The following DGKB variants were observed in gnomAD, a reference collection of about 807,000 sequenced individuals.
DGKB encodes 90 kDa diacylglycerol kinase.
Under a neutral mutation model 114.3 loss-of-function variants are expected in DGKB, and 67 were observed. That is an observed-to-expected ratio of 0.59 (90% confidence interval 0.48 to 0.72). The LOEUF is 0.72. Among genes scored for constraint, DGKB ranks in the 30% least tolerant of loss-of-function variants. DGKB has a pLI of 0.00. For synonymous variants in DGKB, 398 were observed against 323.1 expected, an observed-to-expected ratio of 1.23 and a Z score of -2.49; for missense variants, 907 against 975.2, an observed-to-expected ratio of 0.93 and a Z score of 0.93.
At chr7:14,200,996 A>G (rs1343441029) in intron 23 of DGKB, among the ~76,000 whole-genome samples, 1 of 152,030 alleles carries the variant, frequency 6.6e-6, no homozygotes, top group Non-Finnish European at 1.5e-5. Context: ...TTTATAAAGG[A>G]CATTTAGGGA....
intron 20 of DGKB, among the ~76,000 whole-genome samples, chr7:14,568,745 G>C (rs1797955481): frequency 6.6e-6 from 1 of 152,170 alleles, no homozygotes; most frequent in Non-Finnish European, 1.5e-5. Context: ...AGGTGATATA[G>C]CTACATATTT....
chr7:14,748,456 AG>A (rs1833675177), intron 4 of DGKB, among the ~76,000 whole-genome samples: 1 of 152,210 alleles, frequency 6.6e-6, no homozygotes, highest in Non-Finnish European at 1.5e-5. Flanking sequence ...AGCACATTTC[AG>A]GCAGAGAAGA....
chr7:14,545,756 T>C (rs954242763), intron 20 of DGKB, among the ~76,000 whole-genome samples: 1 of 152,220 alleles, frequency 6.6e-6, no homozygotes, highest in Non-Finnish European at 1.5e-5. Flanking sequence ...GTTCCTGATC[T>C]GACATCGTAT....
intron 1 of DGKB, among the ~76,000 whole-genome samples, chr7:14,961,954 T>C (rs1480592931): frequency 6.6e-6 from 1 of 152,104 alleles, no homozygotes; most frequent in East Asian, 1.9e-4. Context: ...TGCACACTAA[T>C]TAACCATGTT....
intron 12 of DGKB, among the ~76,000 whole-genome samples, chr7:14,678,434 G>T (rs1411525411): frequency 2.6e-5 from 4 of 151,976 alleles, no homozygotes; most frequent in Non-Finnish European, 4.4e-5. Context: ...TTTAAGACAG[G>T]TGCATTCAAG....
At chr7:14,698,229 T>C (rs1393960425) in intron 7 of DGKB, 60 bp from the exon 8 acceptor site, 1 of 1,058,292 alleles carries the variant, frequency 9.4e-7, no homozygotes, top group Non-Finnish European at 1.4e-6. Flanking sequence ...TTTAAATCTT[T>C]CACTTGCAGA....
intron 1 of DGKB, among the ~76,000 whole-genome samples, chr7:14,858,053 T>A (rs1265501475): frequency 1.3e-5 from 2 of 152,158 alleles, no homozygotes; most frequent in Non-Finnish European, 2.9e-5. Flanking sequence ...TCCAGTCACA[T>A]ATAACAGCAT....
intron 6 of DGKB, among the ~76,000 whole-genome samples, chr7:14,714,607 T>C (rs1585908705): frequency 6.6e-6 from 1 of 152,120 alleles, no homozygotes; most frequent in African/African-American, 2.4e-5. Context: ...GATGATTAAA[T>C]AGGTAGGTGT....
At chr7:14,418,534 G>T (rs1040433658) in intron 21 of DGKB, among the ~76,000 whole-genome samples, 1 of 151,212 alleles carries the variant, frequency 6.6e-6, no homozygotes, top group Non-Finnish European at 1.5e-5. Context: ...TCCTACAAAT[G>T]TTAGCTGTCA....
chr7:14,179,351 A>C (rs745771909), intron 23 of DGKB, among the ~76,000 whole-genome samples: 1 of 152,172 alleles, frequency 6.6e-6, no homozygotes, highest in Admixed American at 6.5e-5. Flanking sequence ...TTTCCATTGT[A>C]ATATTCTTAT....
At chr7:14,933,477 T>C (rs555625702) in intron 1 of DGKB, among the ~76,000 whole-genome samples, 39 of 152,324 alleles carry the variant, frequency 2.6e-4, no homozygotes, top group African/African-American at 8.7e-4. Context: ...ATTGAATGAA[T>C]AGAATGCATT....
At chr7:14,750,285 T>C (rs1040132466) in intron 4 of DGKB, 9 of 445,506 alleles carry the variant, frequency 2.0e-5, no homozygotes, top group Middle Eastern at 4.4e-4. Flanking sequence ...TTTATCAGTA[T>C]TAGATGCATT....
chr7:14,255,725 C>G (rs961979636), intron 23 of DGKB, among the ~76,000 whole-genome samples: 8 of 149,174 alleles, frequency 5.4e-5, no homozygotes, highest in Non-Finnish European at 1.2e-4. Flanking sequence ...CTTTATTACA[C>G]TGTCTTCTCA....
At chr7:14,785,430 T>G (rs1839742214) in intron 2 of DGKB, among the ~76,000 whole-genome samples, 1 of 152,122 alleles carries the variant, frequency 6.6e-6, no homozygotes, top group Admixed American at 6.5e-5. Context: ...CAAAATCATA[T>G]GTATACATGT....
chr7:14,840,828 C>T (rs76100781), intron 2 of DGKB, among the ~76,000 whole-genome samples: 4,462 of 151,344 alleles, frequency 0.029, 230 homozygotes, highest in African/African-American at 0.1. Context: ...TCCTCTTTTT[C>T]CTTCCTTCTC....
At chr7:14,710,640 A>G (rs1476736530) in intron 6 of DGKB, among the ~76,000 whole-genome samples, 1 of 152,100 alleles carries the variant, frequency 6.6e-6, no homozygotes, top group Non-Finnish European at 1.5e-5. Flanking sequence ...TCTTATATAT[A>G]CACATTATTA....
At chr7:14,266,103 A>C (rs532499137) in intron 23 of DGKB, among the ~76,000 whole-genome samples, 1 of 152,114 alleles carries the variant, frequency 6.6e-6, no homozygotes, top group Admixed American at 6.5e-5. Context: ...TGCTCGTTCA[A>C]TTGTTATTTT....
chr7:14,364,212 A>G (rs1019070055), intron 21 of DGKB, among the ~76,000 whole-genome samples: 3 of 152,026 alleles, frequency 2.0e-5, no homozygotes, highest in African/African-American at 7.2e-5. Flanking sequence ...TAAAAACAAG[A>G]TTTGCTTTCC....
chr7:14,397,203 G>C (rs1822350128), intron 21 of DGKB, among the ~76,000 whole-genome samples: 1 of 152,068 alleles, frequency 6.6e-6, no homozygotes, highest in Non-Finnish European at 1.5e-5. Context: ...TAATTGTGTT[G>C]TACTATATGA....
Sources: gnomAD v4.1 joint callset for allele counts (sites outside exome capture counted in the v4.1 genomes callset) on GRCh38, gnomAD v4.1.1 for gene constraint, MANE v1.5 for transcripts, NCBI Gene and HGNC (gene_info 2026-07-23, HGNC 2026-07-21) for gene names.